The following DPP10 variants were observed in gnomAD, a reference collection of about 807,000 sequenced individuals.
The protein encoded by DPP10 is dipeptidyl peptidase like 10, also known as inactive dipeptidyl peptidase 10.
Under a neutral mutation model 120.9 loss-of-function variants are expected in DPP10, and 33 were observed. The observed-to-expected ratio is 0.27, with a 90% CI of 0.21 to 0.37. The LOEUF (loss-of-function observed/expected upper bound fraction) is 0.37. Among genes scored for constraint, DPP10 ranks in the 10% least tolerant of loss-of-function variants. DPP10 has a pLI of 1.00. For missense variants in DPP10, 816 were observed against 942.8 expected (o/e 0.87, Z 1.76); for synonymous variants, 337 against 326.1 (o/e 1.03, Z -0.36).
chr2:114,757,758 C>T (rs1439206037), intron 1 of DPP10, among the ~76,000 whole-genome samples: 2 of 152,180 alleles, frequency 1.3e-5, no homozygotes, highest in Non-Finnish European at 2.9e-5. Context: ...ACACCAGCAA[C>T]TCTGGGGTTA....
At chr2:114,480,463 C>T (rs1349125353) in intron 1 of DPP10, among the ~76,000 whole-genome samples, 1 of 152,064 alleles carries the variant, frequency 6.6e-6, no homozygotes, top group Non-Finnish European at 1.5e-5. Context: ...ACCCAAATGT[C>T]CAACAATGAT....
In DPP10 at chr2:114,639,523, TG is replaced by T. The variant is rs571906069; in HGVS notation, c.60+196688del. ...GAGTAGGGAGAGAGGGAGGGGGACA[TG>T]GGTTGAAAAACTACTTATTGAGTAC... On this transcript the variant is annotated intron_variant, in intron 1 of 25. Coordinates refer to ENST00000410059, the MANE Select transcript of DPP10 (RefSeq NM_020868.6). Among the ~76,000 whole-genome samples the T allele has an allele frequency of 3.4e-3, 514 of 151,926 alleles. 1 individual carries two copies. Among genetic ancestry groups the T allele is most frequent in the Non-Finnish European group, 5.7e-3 (390 of 68,016 alleles).
intron 1 of DPP10, among the ~76,000 whole-genome samples, chr2:114,815,882 GTT>G (rs3036391): frequency 0.49 from 70,725 of 144,006 alleles, 17,201 homozygotes; most frequent in East Asian, 0.79. Context: ...AATTTTCTTA[GTT>G]TTTTTTTTTT....
At chr2:115,679,206 A>G (rs1003833505) in intron 5 of DPP10, among the ~76,000 whole-genome samples, 1 of 151,386 alleles carries the variant, frequency 6.6e-6, no homozygotes, top group African/African-American at 2.4e-5. Flanking sequence ...GGGGGGGTGC[A>G]TGGGTGGAAT....
intron 3 of DPP10, among the ~76,000 whole-genome samples, chr2:115,414,411 C>G (rs1451815161): frequency 6.6e-6 from 1 of 152,090 alleles, no homozygotes; most frequent in Non-Finnish European, 1.5e-5. Context: ...TCTTTTATCT[C>G]AACACTGAAT....
At chr2:115,666,187 C>A (rs1559001047) in intron 5 of DPP10, among the ~76,000 whole-genome samples, 1 of 152,018 alleles carries the variant, frequency 6.6e-6, no homozygotes, top group Non-Finnish European at 1.5e-5. Context: ...TTGTTTTAGT[C>A]CATTTTCATG....
chr2:115,061,034 A>C (rs954766545), intron 1 of DPP10, among the ~76,000 whole-genome samples: 2 of 152,190 alleles, frequency 1.3e-5, no homozygotes, highest in Non-Finnish European at 1.5e-5. Flanking sequence ...ACAATTAACC[A>C]GAGTCTCTTG....
chr2:114,526,907 A>T (rs1011057282), intron 1 of DPP10, among the ~76,000 whole-genome samples: 1 of 152,136 alleles, frequency 6.6e-6, no homozygotes, highest in African/African-American at 2.4e-5. Context: ...AGAGATGAGG[A>T]GGTCTTAGTT....
chr2:114,587,330 C>G (rs1391139178), intron 1 of DPP10, among the ~76,000 whole-genome samples: 1 of 150,022 alleles, frequency 6.7e-6, no homozygotes, highest in Non-Finnish European at 1.5e-5. Context: ...AATACACACA[C>G]ACGCATGCAC....
chr2:115,537,695 C>T (rs148185885), intron 5 of DPP10, among the ~76,000 whole-genome samples: 234 of 151,626 alleles, frequency 1.5e-3, no homozygotes, highest in African/African-American at 5.1e-3. Context: ...AATAATGACG[C>T]ACATCTGCCG....
chr2:115,196,147 A>G (rs72955537), intron 1 of DPP10, among the ~76,000 whole-genome samples: 2,969 of 152,264 alleles, frequency 0.019, 88 homozygotes, highest in African/African-American at 0.067. Flanking sequence ...AAGCCCAGCA[A>G]TATTTTTCCA....
At chr2:114,493,654 T>A (rs1011590575) in intron 1 of DPP10, among the ~76,000 whole-genome samples, 2 of 151,936 alleles carry the variant, frequency 1.3e-5, no homozygotes, top group Non-Finnish European at 2.9e-5. Context: ...TTCATTACCA[T>A]AAAAAAACTG....
At chr2:115,839,629 G>A (rs13031115) in intron 24 of DPP10, among the ~76,000 whole-genome samples, 15,807 of 140,336 alleles carry the variant, frequency 0.11, 899 homozygotes, top group South Asian at 0.15. Flanking sequence ...AGCCGAGATC[G>A]TACCACTGCA....
chr2:115,530,813 A>G (rs2078416264), intron 5 of DPP10, among the ~76,000 whole-genome samples: 1 of 151,924 alleles, frequency 6.6e-6, no homozygotes, highest in South Asian at 2.1e-4. Context: ...TCCTGCAGAA[A>G]CTCTGATTTA....
At chr2:115,316,808 C>T (rs923283599) in intron 2 of DPP10, among the ~76,000 whole-genome samples, 4 of 152,054 alleles carry the variant, frequency 2.6e-5, no homozygotes, top group Admixed American at 2.6e-4. Context: ...GTCAGGTTTC[C>T]ATAAAAGCGA....
chr2:115,031,130 C>T (rs777047321), intron 1 of DPP10, among the ~76,000 whole-genome samples: 21 of 149,854 alleles, frequency 1.4e-4, no homozygotes, highest in Non-Finnish European at 2.5e-4. Flanking sequence ...ATTATATACT[C>T]AAAAGTCACA....
chr2:115,356,293 A>G (rs771742245), intron 3 of DPP10, among the ~76,000 whole-genome samples: 36 of 151,976 alleles, frequency 2.4e-4, no homozygotes, highest in Non-Finnish European at 4.6e-4. Flanking sequence ...CTATATTCCT[A>G]GGTATTTTAT....
At chr2:115,639,995 G>T (rs1333655424) in intron 5 of DPP10, among the ~76,000 whole-genome samples, 2 of 150,736 alleles carry the variant, frequency 1.3e-5, no homozygotes, top group Admixed American at 1.3e-4. Flanking sequence ...TAAAATTCAG[G>T]CTGGAGATGG....
intron 22 of DPP10, 85 bp downstream of exon 22, chr2:115,836,341 C>A: frequency 7.2e-7 from 1 of 1,379,744 alleles, no homozygotes; most frequent in Non-Finnish European, 1.0e-6. Context: ...CAATTGAGCT[C>A]ATTTATCATA....
Sources: allele counts gnomAD v4.1 joint callset (sites outside exome capture counted in the v4.1 genomes callset), GRCh38; gene constraint gnomAD v4.1.1; transcripts MANE v1.5; gene names NCBI Gene and HGNC (gene_info 2026-07-23, HGNC 2026-07-21).